Variants in ATM observed in about 807,000 individuals in gnomAD.
ATM encodes serine-protein kinase ATM.
ATM carries 308 observed loss-of-function variants against 387.0 expected under a neutral mutation model. That is an observed-to-expected ratio of 0.80 (90% CI 0.73 to 0.87). ATM has a LOEUF of 0.87. Among genes scored for constraint, ATM ranks in the 40% least tolerant of loss-of-function variants. ATM has a pLI of 0.00. For missense variants in ATM, 3,312 were observed against 3,560.9 expected (o/e 0.93, Z 1.78); for synonymous variants, 1,156 against 1,187.3 (o/e 0.97, Z 0.54).
Position 108,304,749 on chromosome 11 carries a change from A to G in ATM, c.5571A>G (p.Ser1857=), listed in dbSNP as rs777570286. ...HDILLQDTNE[S]WRNLLSTHVQ... The stretch of plus-strand genomic sequence containing the variant: ...TTTTACTCCAAGATACAAATGAATC[A>G]TGGAGAAATCTGCTTTCTACACATG... Residue 1857 remains serine (S), a synonymous_variant, in exon 37 of 63, where the codon TCA becomes TCG. Coordinates refer to ENST00000675843, the MANE Select transcript of ATM (RefSeq NM_000051.4). The G allele has an allele frequency of 1.2e-6, 2 of 1,614,030 alleles. No homozygotes were observed. Among genetic ancestry groups the G allele is most frequent in the Non-Finnish European group, 1.7e-6 (2 of 1,179,928 alleles).
chr11:108,363,834 T>C (rs1362662321), intron 61 of ATM, among the ~76,000 whole-genome samples: 1 of 152,198 alleles, frequency 6.6e-6, no homozygotes, highest in Non-Finnish European at 1.5e-5. Flanking sequence ...TTGAAGTAAT[T>C]TAGATTTTTC....
chr11:108,321,531 C>G, intron 45 of ATM, 111 bp downstream of exon 45: 1 of 1,506,684 alleles, frequency 6.6e-7, no homozygotes, highest in Non-Finnish European at 9.1e-7. Flanking sequence ...GCCTGTAATC[C>G]TAGCACTTTA....
chr11:108,245,075 T>G, intron 7 of ATM, 49 bp downstream of exon 7: 1 of 1,424,028 alleles, frequency 7.0e-7, no homozygotes, highest in East Asian at 2.3e-5. Context: ...CATTCAAACA[T>G]AGAAGTCTAA....
chr11:108,305,437 G>A (rs1376007633), intron 37 of ATM, among the ~76,000 whole-genome samples: 3 of 151,940 alleles, frequency 2.0e-5, no homozygotes, highest in African/African-American at 4.8e-5. Flanking sequence ...AAAATTAGCC[G>A]GGCATGGTGG....
chr11:108,298,626 A>G (rs1264246517), intron 33 of ATM, among the ~76,000 whole-genome samples: 11 of 152,242 alleles, frequency 7.2e-5, no homozygotes, highest in Non-Finnish European at 1.5e-5. Flanking sequence ...CCCTAAGATC[A>G]GGAATGAGAC....
chr11:108,265,628 C>G (rs1401354429), intron 16 of ATM, among the ~76,000 whole-genome samples: 3 of 149,902 alleles, frequency 2.0e-5, no homozygotes. Context: ...ACAGAATTGA[C>G]AAATGGGATC....
At chr11:108,233,140 G>A (rs2079102604) in intron 4 of ATM, among the ~76,000 whole-genome samples, 1 of 152,136 alleles carries the variant, frequency 6.6e-6, no homozygotes, top group Admixed American at 6.5e-5. Flanking sequence ...GGGTTTATAG[G>A]CGTGAGCCAC....
intron 5 of ATM, among the ~76,000 whole-genome samples, chr11:108,241,633 G>T (rs1369568181): frequency 6.6e-6 from 1 of 151,338 alleles, no homozygotes; most frequent in Non-Finnish European, 1.5e-5. Flanking sequence ...GACTGTGGTT[G>T]GAATCATAAC....
chr11:108,243,980 A>G lies in ATM; in HGVS notation c.524A>G (p.Tyr175Cys). The change falls in exon 6 of 63, where the codon TAT becomes TGT. Residue 175 changes from tyrosine to cysteine, a missense_variant. Transcript: ENST00000675843. ...TTGTTCTCTGTGTACTTCAGGCTCT[A>G]TCTGAAACCTTCACAAGATGTTCAT... ...LELFSVYFRLYLKPSQDVHRV... is the reference protein window; with the variant it reads ...LELFSVYFRLCLKPSQDVHRV... The G allele has an allele frequency of 6.2e-7, 1 of 1,604,648 alleles. No individual in the cohort carries two copies. Among genetic ancestry groups the G allele is most frequent in the Non-Finnish European group, 8.5e-7 (1 of 1,174,590 alleles).
In ATM at chr11:108,244,753, G is replaced by C. The variant is rs534775214; in HGVS notation, c.663-35G>C. 5 of 1,513,916 alleles carry C rather than the reference G, an allele frequency of 3.3e-6. No individual in the cohort carries two copies. The African/African-American group carries it at 6.9e-5, about 21-fold the overall frequency. 93.8% of individuals were successfully genotyped at this position (1,513,916 alleles called of 1,614,324 possible). On this transcript the variant is annotated intron_variant, in intron 6 of 62. Transcript: ENST00000675843. ...TCAGTTTGTACAGTTTGTTCCCCCT[G>C]TTATACCCAGTTGAGCTTGTTTGTT... is the stretch of plus-strand genomic sequence containing the variant.
At chr11:108,259,787 A>T (rs2080748139) in intron 16 of ATM, among the ~76,000 whole-genome samples, 2 of 152,186 alleles carry the variant, frequency 1.3e-5, no homozygotes, top group Non-Finnish European at 2.9e-5. Context: ...AAATGGGCTT[A>T]TGCCACATAC....
rs1261327629 is a variant in ATM at position 108,289,917 on chromosome 11, G to A, written c.4436+116G>A. 9.2e-6 allele frequency: 9 copies of A among 977,578 alleles called. No homozygotes were observed. In the African/African-American group the frequency reaches 1.3e-4, roughly 14 times the overall value. 60.6% of individuals were successfully genotyped at this position (977,578 alleles called of 1,614,324 possible). On this transcript the variant is annotated intron_variant, in intron 29 of 62. Coordinates refer to ENST00000675843, the MANE Select transcript of ATM (RefSeq NM_000051.4). ...GACTCACTCTGTCCGCCCAGGCTGGGTGCAGTCACGGCTCACTGCATCCTC... is the reference window on the plus strand; with the variant it reads ...GACTCACTCTGTCCGCCCAGGCTGGATGCAGTCACGGCTCACTGCATCCTC...
At chr11:108,259,809 T>G (rs1178052739) in intron 16 of ATM, among the ~76,000 whole-genome samples, 1 of 152,212 alleles carries the variant, frequency 6.6e-6, no homozygotes, top group Non-Finnish European at 1.5e-5. Flanking sequence ...TTCTTTTTTC[T>G]GGAACACTGC....
chr11:108,342,189 A>G (rs1395775500), intron 56 of ATM, among the ~76,000 whole-genome samples: 1 of 152,194 alleles, frequency 6.6e-6, no homozygotes, highest in African/African-American at 2.4e-5. Context: ...AGGGAATCCA[A>G]AAGATTGGAC....
chr11:108,363,210 A>G (rs2090993773), intron 61 of ATM, among the ~76,000 whole-genome samples: 1 of 152,054 alleles, frequency 6.6e-6, no homozygotes, highest in African/African-American at 2.4e-5. Flanking sequence ...CTGGGACATC[A>G]TTTCTTTCCT....
At chr11:108,263,773 A>C (rs1452472015) in intron 16 of ATM, among the ~76,000 whole-genome samples, 3 of 147,834 alleles carry the variant, frequency 2.0e-5, no homozygotes, top group Non-Finnish European at 3.0e-5. Context: ...AATCAAATAG[A>C]CGCAATAAAA....
chr11:108,272,990 T>C, intron 22 of ATM, 138 bp downstream of exon 22: 1 of 1,089,092 alleles, frequency 9.2e-7, no homozygotes. Context: ...GGCATTTATG[T>C]TTATTCTTAA....
rs764842086 is a variant in ATM, at chr11:108,267,294, A to G, written c.2590A>G (p.Ser864Gly). 2 of 1,614,132 alleles carry G rather than the reference A, an allele frequency of 1.2e-6. No homozygotes were observed. The highest frequency in any genetic ancestry group is 3.3e-5 in the Admixed American group (2 of 60,030). ...GAATCTATTTAACGATTACCCTGAT[A>G]GTAGTGTTAGTGATGCAAACGAACC... The part of the protein sequence containing the change: ...SMNLFNDYPD[S>G]SVSDANEPGE... The change falls in exon 17 of 63, where the codon AGT (serine) becomes GGT (glycine). Residue 864 changes from serine (S) to glycine (G), a missense_variant. Around this residue, in one of 4 missense-constraint regions of ATM, gnomAD observed 1,791 missense variants for 1,804.5 expected, o/e 0.99. Coordinates refer to ENST00000675843, the MANE Select transcript of ATM (RefSeq NM_000051.4).
In ATM at chr11:108,346,057, CAT is replaced by C. The variant is rs561412238; in HGVS notation, c.8584+152_8584+153del. 2,848 of 851,928 alleles carry C rather than the reference CAT, an allele frequency of 3.3e-3. 15 individuals are homozygous for C. The highest frequency in any genetic ancestry group is 0.033 in the Middle Eastern group (122 of 3,696). 52.8% of individuals were successfully genotyped at this position (851,928 alleles called of 1,614,324 possible). A position where few individuals can be genotyped will look rare whatever the true frequency, so the allele number is the denominator to read the frequency against. On this transcript the variant is annotated intron_variant, in intron 58 of 62. Transcript: ENST00000675843. The stretch of plus-strand genomic sequence containing the variant: ...AACCAACCCATCTTCATTATTAAAT[CAT>C]ATGTTTCTTGTTCATCCTGATTCTT...
Sources: allele counts gnomAD v4.1 joint callset (sites outside exome capture counted in the v4.1 genomes callset), GRCh38; gene constraint gnomAD v4.1.1; regional missense constraint gnomAD v4.1.1; transcripts MANE v1.5; gene names NCBI Gene and HGNC (gene_info 2026-07-23, HGNC 2026-07-21).